The following CHRM2 variants were observed in gnomAD, a reference collection of about 807,000 sequenced individuals.
The protein encoded by CHRM2 is cholinergic receptor muscarinic 2.
In CHRM2, 8 loss-of-function variants were observed where a neutral mutation model predicts 25.0. The observed-to-expected ratio is 0.32, with a 90% CI of 0.19 to 0.58. The LOEUF is 0.58. Ranked by LOEUF, CHRM2 falls within the 20% of genes least tolerant of loss-of-function variation. CHRM2 has a pLI of 0.88. For missense variants in CHRM2, 440 were observed against 567.1 expected (o/e 0.78, Z 2.28); for synonymous variants, 202 against 205.7 (o/e 0.98, Z 0.15).
rs1772295518 is a variant in CHRM2 at position 136,997,559 on chromosome 7, C to T, written c.-47+5295C>T. 2.6e-5 allele frequency among the ~76,000 whole-genome samples: 4 copies of T among 152,162 alleles called. No individual in the cohort carries two copies. The South Asian group carries it at 8.3e-4, about 31-fold the overall frequency. ...GAGCAAATACATATGGAAGATCAAT[C>T]TCATGTGTTTTTTAAATTAAAAAGA... On this transcript the variant is annotated intron_variant, in intron 3 of 3. Transcript: ENST00000680005.
chr7:136,989,777 C>T (rs1803096108), intron 2 of CHRM2, among the ~76,000 whole-genome samples: 1 of 152,160 alleles, frequency 6.6e-6, no homozygotes, highest in Admixed American at 6.6e-5. Context: ...ATCCCCTTCA[C>T]AACTATTTCA....
intron 2 of CHRM2, among the ~76,000 whole-genome samples, chr7:136,946,988 G>A (rs1455262181): frequency 6.6e-6 from 1 of 152,114 alleles, no homozygotes; most frequent in African/African-American, 2.4e-5. Context: ...TATGCCCAGG[G>A]GAGCAAAAGG....
At chr7:136,930,431 T>C (rs1329257527) in intron 2 of CHRM2, among the ~76,000 whole-genome samples, 1 of 152,162 alleles carries the variant, frequency 6.6e-6, no homozygotes, top group Non-Finnish European at 1.5e-5. Flanking sequence ...CCAGACCTTC[T>C]AAATCACAAT....
At chr7:136,889,869 T>G (rs1190344045) in intron 2 of CHRM2, among the ~76,000 whole-genome samples, 2 of 152,222 alleles carry the variant, frequency 1.3e-5, no homozygotes, top group Non-Finnish European at 2.9e-5. Flanking sequence ...TCGTTAGACT[T>G]AGTTATTCCT....
chr7:136,958,269 T>C lies in CHRM2; in HGVS notation c.-124-33918T>C, dbSNP rs574049819. Among the ~76,000 whole-genome samples, 41 of 152,248 alleles carry C rather than the reference T, an allele frequency of 2.7e-4. No individual in the cohort carries two copies. The South Asian group carries it at 7.5e-3, about 28-fold the overall frequency. On this transcript the variant is annotated intron_variant, in intron 2 of 3. Coordinates refer to ENST00000680005, the MANE Select transcript of CHRM2 (RefSeq NM_001006630.2). The stretch of plus-strand genomic sequence containing the variant: ...GACATTGTCTTTAGCTTAGACACAA[T>C]GACTTCATCCATGATAGCAGCAGCG...
intron 3 of CHRM2, among the ~76,000 whole-genome samples, chr7:137,008,791 T>A (rs1007390458): frequency 2.0e-5 from 3 of 152,102 alleles, no homozygotes; most frequent in African/African-American, 7.2e-5. Flanking sequence ...TTTTATACAA[T>A]TACATGTCTT....
intron 2 of CHRM2, among the ~76,000 whole-genome samples, chr7:136,875,917 A>C (rs1232381221): frequency 6.6e-6 from 1 of 152,138 alleles, no homozygotes; most frequent in African/African-American, 2.4e-5. Flanking sequence ...CTCTTCGTGG[A>C]ATTTATTATT....
intron 2 of CHRM2, among the ~76,000 whole-genome samples, chr7:136,887,357 T>C (rs944883410): frequency 6.6e-6 from 1 of 151,824 alleles, no homozygotes; most frequent in Middle Eastern, 3.2e-3. Flanking sequence ...TCCCACAGGA[T>C]AGTAACAACA....
intron 3 of CHRM2, among the ~76,000 whole-genome samples, chr7:136,996,268 A>G (rs1803596252): frequency 6.6e-6 from 1 of 152,108 alleles, no homozygotes; most frequent in Non-Finnish European, 1.5e-5. Context: ...TTTAAATGAT[A>G]TCACAAAAAT....
intron 2 of CHRM2, among the ~76,000 whole-genome samples, chr7:136,886,116 C>G (rs1266423436): frequency 6.6e-6 from 1 of 152,166 alleles, no homozygotes; most frequent in Non-Finnish European, 1.5e-5. Context: ...CCTACACCAT[C>G]CTATTTCATT....
chr7:136,937,185 C>T (rs1469052547), intron 2 of CHRM2, among the ~76,000 whole-genome samples: 5 of 152,268 alleles, frequency 3.3e-5, no homozygotes, highest in South Asian at 2.1e-4. Flanking sequence ...AGAATGACAT[C>T]GCTTTCAATA....
At chr7:137,007,550 T>C (rs1243770157) in intron 3 of CHRM2, among the ~76,000 whole-genome samples, 1 of 152,074 alleles carries the variant, frequency 6.6e-6, no homozygotes, top group East Asian at 1.9e-4. Flanking sequence ...TGACTCATAA[T>C]GTGTTGCATG....
At chr7:137,013,421 CT>C (rs1804956961) in intron 3 of CHRM2, among the ~76,000 whole-genome samples, 1 of 151,970 alleles carries the variant, frequency 6.6e-6, no homozygotes, top group Non-Finnish European at 1.5e-5. Flanking sequence ...GGGCAAACCA[CT>C]GCCCATTTCT....
intron 2 of CHRM2, among the ~76,000 whole-genome samples, chr7:136,959,688 G>A (rs1263958007): frequency 1.3e-5 from 2 of 152,198 alleles, no homozygotes; most frequent in Non-Finnish European, 2.9e-5. Context: ...CGAGGCAGCA[G>A]ATCACCTGAG....
intron 2 of CHRM2, among the ~76,000 whole-genome samples, chr7:136,896,441 A>AT (rs1022653551): frequency 2.0e-5 from 3 of 152,010 alleles, no homozygotes; most frequent in Admixed American, 6.6e-5. Context: ...GCTCTGAAGG[A>AT]TTTTTTCTAG....
chr7:136,961,734 G>T (rs550892590), intron 2 of CHRM2, among the ~76,000 whole-genome samples: 1 of 151,946 alleles, frequency 6.6e-6, no homozygotes, highest in African/African-American at 2.4e-5. Context: ...AACTTTATTA[G>T]AGAAAAGAGG....
chr7:136,942,106 G>A (rs1186631907), intron 2 of CHRM2, among the ~76,000 whole-genome samples: 1 of 152,140 alleles, frequency 6.6e-6, no homozygotes, highest in Non-Finnish European at 1.5e-5. Context: ...GCTATTCTTT[G>A]TAGCAGTCTT....
intron 2 of CHRM2, chr7:136,907,958 A>C (rs1797645554): frequency 6.6e-6 from 1 of 151,930 alleles, no homozygotes; most frequent in Non-Finnish European, 1.5e-5. Flanking sequence ...CTCCCTAAGG[A>C]ATAATGGCTT....
intron 2 of CHRM2, among the ~76,000 whole-genome samples, chr7:136,915,220 TA>T (rs67271126): frequency 0.015 from 2,243 of 151,968 alleles, 48 homozygotes; most frequent in African/African-American, 0.052. Flanking sequence ...AGGCAACTAT[TA>T]GGGGAAATGA....
Sources: allele counts gnomAD v4.1 joint callset (sites outside exome capture counted in the v4.1 genomes callset), GRCh38; gene constraint gnomAD v4.1.1; transcripts MANE v1.5; gene names NCBI Gene and HGNC (gene_info 2026-07-23, HGNC 2026-07-21).